The following PTPN3 variants were observed in gnomAD, a reference collection of about 807,000 sequenced individuals.
PTPN3 encodes tyrosine-protein phosphatase non-receptor type 3.
In PTPN3, 96 loss-of-function variants were observed where a neutral mutation model predicts 132.7. The ratio of observed to expected loss-of-function variants is 0.72; its 90% CI spans 0.61 to 0.86. The LOEUF (loss-of-function observed/expected upper bound fraction) is 0.86. PTPN3 is among the 40% of genes least tolerant of loss of function. The probability of loss-of-function intolerance (pLI) is 0.00; values close to 1 mark genes in which losing one functional copy is unlikely to be tolerated. For synonymous variants in PTPN3, 398 were observed against 429.0 expected (o/e 0.93, Z 0.89); for missense variants, 1,125 against 1,159.6 (o/e 0.97, Z 0.43).
the PTPN3 span, among the ~76,000 whole-genome samples, chr9:109,532,290 G>A: frequency 1.3e-5 from 2 of 152,190 alleles, no homozygotes; most frequent in South Asian, 4.1e-4. Flanking sequence ...ATTCTTAATG[G>A]TTCTGGTCAG....
At chr9:109,458,210 T>C (rs1046817060) in intron 2 of PTPN3, among the ~76,000 whole-genome samples, 4 of 152,104 alleles carry the variant, frequency 2.6e-5, no homozygotes, top group African/African-American at 9.7e-5. Flanking sequence ...CAAATGGTCA[T>C]CTCGACTGGG....
chr9:109,489,673 G>A (rs933287183), intron 1 of PTPN3, among the ~76,000 whole-genome samples: 1 of 152,086 alleles, frequency 6.6e-6, no homozygotes, highest in African/African-American at 2.4e-5. Context: ...GTCTACCCAT[G>A]ATTAGCAGGG....
intron 18 of PTPN3, among the ~76,000 whole-genome samples, chr9:109,405,279 C>A (rs142762737): frequency 1.1e-4 from 17 of 152,252 alleles, no homozygotes; most frequent in African/African-American, 4.1e-4. Flanking sequence ...TAAGGCCTCA[C>A]GGAGGAGGTG....
chr9:109,517,095 A>G, the PTPN3 span, among the ~76,000 whole-genome samples: 1 of 152,116 alleles, frequency 6.6e-6, no homozygotes, highest in African/African-American at 2.4e-5. Flanking sequence ...TTGATTTGTT[A>G]CTTTGCCTGG....
the PTPN3 span, chr9:109,533,041 C>G: frequency 6.6e-6 from 2 of 303,324 alleles, no homozygotes; most frequent in Admixed American, 1.2e-4. Context: ...CTGCAACCTC[C>G]GCTTCCCGGG....
Position 109,463,285 on chromosome 9 carries a change from T to C in PTPN3, c.138+12A>G, listed in dbSNP as rs771095292. Reference sequence around the variant, plus strand: ...ATTCAGGAAAAGTAAAAAAAAAAAGTAGAGAACTTACAGTAACTTTAAAGG... The same window carrying C: ...ATTCAGGAAAAGTAAAAAAAAAAAGCAGAGAACTTACAGTAACTTTAAAGG... On this transcript the variant is annotated intron_variant, in intron 2 of 25. Transcript: ENST00000374541. 3 of 1,535,980 alleles carry C rather than the reference T, an allele frequency of 2.0e-6. No individual in the cohort carries two copies. The highest frequency in any genetic ancestry group is 2.3e-5 in the Admixed American group (1 of 44,332).
At chr9:109,537,249 A>G in the PTPN3 span, among the ~76,000 whole-genome samples, 912 of 152,370 alleles carry the variant, frequency 6.0e-3, 5 homozygotes, top group African/African-American at 0.021. Context: ...GAAAAAAACC[A>G]AAGTCTTTCT....
chr9:109,479,534 CGTAGGA>C (rs1446443850), intron 1 of PTPN3, among the ~76,000 whole-genome samples: 1 of 152,184 alleles, frequency 6.6e-6, no homozygotes, highest in African/African-American at 2.4e-5. Context: ...CAGGTATATA[CGTAGGA>C]GTAGGATTGC....
At chr9:109,536,577 A>G in the PTPN3 span, among the ~76,000 whole-genome samples, 1 of 152,238 alleles carries the variant, frequency 6.6e-6, no homozygotes, top group African/African-American at 2.4e-5. Flanking sequence ...TACGTGGCAC[A>G]GGGCTGCAAA....
At chr9:109,497,586 G>A (rs1475860432) in intron 1 of PTPN3, among the ~76,000 whole-genome samples, 3 of 152,166 alleles carry the variant, frequency 2.0e-5, no homozygotes, top group Admixed American at 1.3e-4. Context: ...AGTTTAGGTA[G>A]CTGAAAATGG....
chr9:109,523,578 A>C, the PTPN3 span, among the ~76,000 whole-genome samples: 1 of 152,288 alleles, frequency 6.6e-6, no homozygotes, highest in East Asian at 1.9e-4. Flanking sequence ...AGAAAACAAG[A>C]GAATGTCTTC....
At chr9:109,425,444 CT>C (rs1843179260) in intron 12 of PTPN3, among the ~76,000 whole-genome samples, 1 of 152,224 alleles carries the variant, frequency 6.6e-6, no homozygotes, top group African/African-American at 2.4e-5. Flanking sequence ...GGCACGGTGG[CT>C]CATGCCTGTA....
the PTPN3 span, chr9:109,532,934 T>C: frequency 1.2e-6 from 1 of 815,128 alleles, no homozygotes; most frequent in South Asian, 2.5e-5. Flanking sequence ...TTTAGGGTTT[T>C]CTTTTCTGGG....
chr9:109,509,027 CTATT>C, the PTPN3 span, among the ~76,000 whole-genome samples: 5 of 152,076 alleles, frequency 3.3e-5, no homozygotes, highest in Non-Finnish European at 5.9e-5. Flanking sequence ...GACCCCATCT[CTATT>C]TATTTTTAAA....
chr9:109,467,790 A>C (rs572552225), intron 1 of PTPN3, among the ~76,000 whole-genome samples: 7 of 152,338 alleles, frequency 4.6e-5, no homozygotes, highest in African/African-American at 1.7e-4. Flanking sequence ...CACCGTGGTT[A>C]GCAATGATGC....
At chr9:109,406,426 G>C in intron 18 of PTPN3, 36 bp downstream of exon 18, 1 of 1,603,326 alleles carries the variant, frequency 6.2e-7, no homozygotes, top group South Asian at 1.1e-5. Context: ...GGCTAGGACA[G>C]CTTCCCTATG....
rs541586261 is a variant in PTPN3, at chr9:109,428,728, C to T, written c.765-44G>A. On this transcript the variant is annotated intron_variant, in intron 10 of 25. Coordinates refer to ENST00000374541, the MANE Select transcript of PTPN3 (RefSeq NM_002829.4). ...AACACAAACAAAGCACATCAGGGATCGGCCAGGTTGAAGCTGATGCCTCTC... is the reference window on the plus strand; with the variant it reads ...AACACAAACAAAGCACATCAGGGATTGGCCAGGTTGAAGCTGATGCCTCTC... 7.1e-5 allele frequency: 113 copies of T among 1,586,892 alleles called. No individual in the cohort carries two copies. The East Asian group carries it at 1.6e-3, about 22-fold the overall frequency.
chr9:109,461,582 C>T (rs10979881), intron 2 of PTPN3, among the ~76,000 whole-genome samples: 49,671 of 151,790 alleles, frequency 0.33, 8,877 homozygotes, highest in African/African-American at 0.44. Flanking sequence ...TTAGTGAGAC[C>T]TCGTTTCTAC....
chr9:109,505,930 T>C, the PTPN3 span, among the ~76,000 whole-genome samples: 2 of 151,994 alleles, frequency 1.3e-5, no homozygotes, highest in Admixed American at 1.3e-4. Flanking sequence ...TTTGTATTTT[T>C]TTAGTAGAGA....
Sources: allele counts gnomAD v4.1 joint callset (sites outside exome capture counted in the v4.1 genomes callset), GRCh38; gene constraint gnomAD v4.1.1; transcripts MANE v1.5; gene names NCBI Gene and HGNC (gene_info 2026-07-23, HGNC 2026-07-21).